PCDHGB4: variants seen among roughly 807,000 people sequenced by gnomAD.
PCDHGB4 encodes the protein protocadherin gamma-B4.
Under a neutral mutation model 60.5 loss-of-function variants are expected in PCDHGB4, and 38 were observed. That is an observed-to-expected ratio of 0.63 (90% confidence interval 0.48 to 0.82). The LOEUF is 0.82. Among genes scored for constraint, PCDHGB4 ranks in the 40% least tolerant of loss-of-function variants. PCDHGB4 has a pLI of 0.00. For synonymous variants in PCDHGB4, 456 were observed against 509.7 expected (o/e 0.89, Z 1.42); for missense variants, 1,109 against 1,209.6 (o/e 0.92, Z 1.23).
chr5:141,459,044 A>T (rs2098959649), intron 1 of PCDHGB4, among the ~76,000 whole-genome samples: 1 of 152,204 alleles, frequency 6.6e-6, no homozygotes, highest in Non-Finnish European at 1.5e-5. Flanking sequence ...TACCAGCTAT[A>T]TTGAAGTATA....
chr5:141,405,187 GGTTCGAGCTT>G (rs2094622612), intron 1 of PCDHGB4: 1 of 1,613,360 alleles, frequency 6.2e-7, no homozygotes, highest in African/African-American at 1.3e-5. Context: ...GTGTAGATGG[GGTTCGAGCTT>G]TCCTACAGAC....
At chr5:141,478,719 T>C in intron 1 of PCDHGB4, 1 of 1,543,882 alleles carries the variant, frequency 6.5e-7, no homozygotes, top group South Asian at 1.2e-5. Context: ...GATGGTGGCC[T>C]GCCAGAGTGT....
chr5:141,424,005 C>A, intron 1 of PCDHGB4: 1 of 1,070,322 alleles, frequency 9.3e-7, no homozygotes. Context: ...TATATAGATA[C>A]AAATTAATGA....
chr5:141,478,155 G>A (rs138384601), intron 1 of PCDHGB4: 1 of 1,613,992 alleles, frequency 6.2e-7, no homozygotes, highest in Non-Finnish European at 8.5e-7. Context: ...TTCCCCTCTG[G>A]CTCTGCCCCC....
Position 141,485,954 on chromosome 5 carries a change from C to T in PCDHGB4, c.2398-8853C>T, listed in dbSNP as rs2154580519. The T allele has an allele frequency of 6.2e-7, 1 of 1,614,190 alleles. No individual in the cohort carries two copies. The highest frequency in any genetic ancestry group is 8.5e-7 in the Non-Finnish European group (1 of 1,180,038). ...GGAGAGCGCACCAGCGGGCATGGTG[C>T]TCATCCAGCTCAATGCCTCAGACCC... On this transcript the variant is annotated intron_variant, in intron 1 of 3. Coordinates refer to ENST00000519479, the MANE Select transcript of PCDHGB4 (RefSeq NM_003736.4). The surrounding 1 kb of genome is among the most constrained non-coding windows in gnomAD (Gnocchi z 5.7).
chr5:141,444,237 T>G (rs1315900009), intron 1 of PCDHGB4, among the ~76,000 whole-genome samples: 1 of 137,132 alleles, frequency 7.3e-6, no homozygotes, highest in Admixed American at 8.0e-5. Flanking sequence ...AATGGCATGC[T>G]CTCGGCTCAC....
At chr5:141,498,632 A>G (rs2099784830) in intron 2 of PCDHGB4, among the ~76,000 whole-genome samples, 1 of 152,118 alleles carries the variant, frequency 6.6e-6, no homozygotes, top group South Asian at 2.1e-4. Context: ...CACTGCCTAG[A>G]CAGAAGGAAG....
chr5:141,411,028 T>C (rs2095458130), intron 1 of PCDHGB4: 1 of 163,058 alleles, frequency 6.1e-6, no homozygotes, highest in Admixed American at 6.2e-5. Flanking sequence ...TTTTTTGTAT[T>C]TTTAGTAGAC....
intron 1 of PCDHGB4, chr5:141,400,460 G>GTGAT (rs760132234): frequency 6.2e-7 from 1 of 1,613,938 alleles, no homozygotes. Context: ...ATACTTTGTG[G>GTGAT]TGATTCATCT....
At position 141,511,520 on chromosome 5, in the gene PCDHGB4, A is replaced by C; in HGVS notation, c.*347A>C. On this transcript the variant is annotated 3_prime_UTR_variant, in exon 4 of 4. Coordinates refer to ENST00000519479, the MANE Select transcript of PCDHGB4 (RefSeq NM_003736.4). Reference sequence around the variant, plus strand: ...CAAATCAATCAGGCCCATCCATCCCATGCCTCCCTCCTCCCCACCCCACTC... The same window carrying C: ...CAAATCAATCAGGCCCATCCATCCCCTGCCTCCCTCCTCCCCACCCCACTC... The C allele has an allele frequency of 2.8e-6, 1 of 358,498 alleles. No homozygotes were observed. Among genetic ancestry groups the C allele is most frequent in the Non-Finnish European group, 5.3e-6 (1 of 189,848 alleles). 22.2% of individuals were successfully genotyped at this position (358,498 alleles called of 1,614,324 possible).
intron 1 of PCDHGB4, chr5:141,430,735 A>T (rs1255723102): frequency 6.7e-7 from 1 of 1,497,964 alleles, no homozygotes; most frequent in Non-Finnish European, 8.9e-7. Context: ...GGCAGAATTG[A>T]AAATAATTCT....
chr5:141,393,555 C>A lies in PCDHGB4; in HGVS notation c.2397+3274C>A. ...CCCGGTTTTTCCTCACCCGATTTAC[C>A]GAGTGAAAGTCCTTGAGAACATGCC... On this transcript the variant is annotated intron_variant, in intron 1 of 3. Transcript: ENST00000519479. The A allele has an allele frequency of 5.0e-6, 8 of 1,613,928 alleles. 1 individual carries two copies. Among genetic ancestry groups the A allele is most frequent in the Non-Finnish European group, 6.8e-6 (8 of 1,179,886 alleles).
intron 1 of PCDHGB4, chr5:141,403,502 A>G: frequency 6.2e-7 from 1 of 1,613,998 alleles, no homozygotes; most frequent in Non-Finnish European, 8.5e-7. Context: ...GAACGTGCAG[A>G]CTGGAGACAA....
At chr5:141,425,524 G>C (rs2096881323) in intron 1 of PCDHGB4, among the ~76,000 whole-genome samples, 1 of 152,184 alleles carries the variant, frequency 6.6e-6, no homozygotes, top group Non-Finnish European at 1.5e-5. Context: ...GATGAAACAT[G>C]AAACAATAAT....
intron 1 of PCDHGB4, chr5:141,441,751 A>G (rs946329290): frequency 5.3e-6 from 2 of 378,094 alleles, no homozygotes; most frequent in African/African-American, 2.2e-5. Flanking sequence ...CTCGGCGTCA[A>G]CGTGAGCCTG....
rs376773009 is a variant in PCDHGB4, at chr5:141,511,838, C to T, written c.*665C>T. 64 of 156,854 alleles carry T rather than the reference C, an allele frequency of 4.1e-4. No homozygotes were observed. Among genetic ancestry groups the T allele is most frequent in the Non-Finnish European group, 6.8e-4 (48 of 70,726 alleles). The allele number at this position is 156,854 out of a possible 1,614,324, so 9.7% of individuals were successfully genotyped here. A position where few individuals can be genotyped will look rare whatever the true frequency, so the allele number is the denominator to read the frequency against. ...TCTTCCCAACGCCCTGGGGACCAGTCTTCTGTTTTGTTTTTCATTGTTTGA... is the reference window on the plus strand; with the variant it reads ...TCTTCCCAACGCCCTGGGGACCAGTTTTCTGTTTTGTTTTTCATTGTTTGA... On this transcript the variant is annotated 3_prime_UTR_variant, in exon 4 of 4. Transcript: ENST00000519479.
At chr5:141,413,058 C>G (rs2095601249) in intron 1 of PCDHGB4, 1 of 1,073,304 alleles carries the variant, frequency 9.3e-7, no homozygotes, top group Non-Finnish European at 1.3e-6. Context: ...AAGCTCACTC[C>G]AGAATTTAAA....
chr5:141,454,567 C>G (rs572130062), intron 1 of PCDHGB4, among the ~76,000 whole-genome samples: 1 of 150,856 alleles, frequency 6.6e-6, no homozygotes, highest in Non-Finnish European at 1.5e-5. Flanking sequence ...CCACCACGCC[C>G]GGCTAATTTT....
intron 1 of PCDHGB4, among the ~76,000 whole-genome samples, chr5:141,452,835 C>A (rs2098750110): frequency 6.6e-6 from 1 of 152,154 alleles, no homozygotes; most frequent in Admixed American, 6.5e-5. Flanking sequence ...TCACTTGGTC[C>A]AGCCCACACT....
Sources: allele counts gnomAD v4.1 joint callset (sites outside exome capture counted in the v4.1 genomes callset), GRCh38; gene constraint gnomAD v4.1.1; non-coding constraint Gnocchi (gnomAD v3.1); transcripts MANE v1.5; gene names NCBI Gene and HGNC (gene_info 2026-07-23, HGNC 2026-07-21).